The following PPM1H variants were observed in gnomAD, a reference collection of about 807,000 sequenced individuals.
The protein encoded by PPM1H is protein phosphatase, Mg2+/Mn2+ dependent 1H.
A neutral mutation model predicts 54.9 loss-of-function variants in PPM1H; 27 were observed. The ratio of observed to expected loss-of-function variants is 0.49; its 90% CI spans 0.36 to 0.68. PPM1H has a LOEUF of 0.68. Among genes scored for constraint, PPM1H ranks in the 30% least tolerant of loss-of-function variants. The probability of loss-of-function intolerance (pLI) is 0.00; values close to 1 mark genes in which losing one functional copy is unlikely to be tolerated. For synonymous variants in PPM1H, 305 were observed against 270.8 expected (o/e 1.13, Z -1.24); for missense variants, 596 against 667.8 (o/e 0.89, Z 1.19).
intron 8 of PPM1H, among the ~76,000 whole-genome samples, chr12:62,681,588 A>G (rs74096894): frequency 0.036 from 5,539 of 152,260 alleles, 295 homozygotes; most frequent in African/African-American, 0.12. Context: ...GGCAAATTTT[A>G]TTTCACACTA....
intron 8 of PPM1H, among the ~76,000 whole-genome samples, chr12:62,672,442 TA>T (rs1327537256): frequency 2.0e-5 from 3 of 152,214 alleles, no homozygotes; most frequent in Non-Finnish European, 4.4e-5. Flanking sequence ...TCTAAAAGAC[TA>T]GATATTCTCA....
chr12:62,871,104 A>C (rs1338366372), intron 1 of PPM1H, among the ~76,000 whole-genome samples: 1 of 152,248 alleles, frequency 6.6e-6, no homozygotes, highest in African/African-American at 2.4e-5. Context: ...AAACTTGTAC[A>C]TTAATGTTCA....
chr12:62,806,065 A>G (rs1009394510), intron 2 of PPM1H, among the ~76,000 whole-genome samples: 1 of 152,192 alleles, frequency 6.6e-6, no homozygotes, highest in Admixed American at 6.5e-5. Context: ...AGAAAAATAA[A>G]TATTTGGGAT....
At chr12:62,799,243 A>C (rs2076752337) in intron 3 of PPM1H, among the ~76,000 whole-genome samples, 1 of 152,222 alleles carries the variant, frequency 6.6e-6, no homozygotes, top group Admixed American at 6.5e-5. Context: ...CACAGTTGTT[A>C]AGAGCAACCC....
chr12:62,677,641 C>A (rs1213457011), intron 8 of PPM1H, among the ~76,000 whole-genome samples: 2 of 152,162 alleles, frequency 1.3e-5, no homozygotes, highest in Non-Finnish European at 1.5e-5. Flanking sequence ...CTGCTCTGTG[C>A]CTGGCTCACT....
intron 5 of PPM1H, among the ~76,000 whole-genome samples, chr12:62,726,433 G>A (rs1053833516): frequency 1.8e-4 from 28 of 151,656 alleles, no homozygotes; most frequent in Admixed American, 1.4e-3. Flanking sequence ...TTTGACCATT[G>A]GACACAGATT....
chr12:62,726,896 G>A (rs1388903606), intron 5 of PPM1H, among the ~76,000 whole-genome samples: 3 of 152,030 alleles, frequency 2.0e-5, no homozygotes, highest in African/African-American at 7.3e-5. Context: ...GCAGGAATTT[G>A]CTAGTTTGCT....
At chr12:62,917,987 G>GA (rs1166040734) in intron 1 of PPM1H, among the ~76,000 whole-genome samples, 1 of 152,230 alleles carries the variant, frequency 6.6e-6, no homozygotes, top group Non-Finnish European at 1.5e-5. Context: ...CAAGGCAGAT[G>GA]AAAAAATGTT....
chr12:62,823,465 A>G (rs1908185), intron 2 of PPM1H, among the ~76,000 whole-genome samples: 10,739 of 152,274 alleles, frequency 0.071, 503 homozygotes, highest in Middle Eastern at 0.13. Flanking sequence ...TTTTAGACCA[A>G]TATTCCTGAT....
chr12:62,652,301 G>T (rs532526184), intron 9 of PPM1H, among the ~76,000 whole-genome samples: 14 of 152,264 alleles, frequency 9.2e-5, no homozygotes, highest in African/African-American at 3.4e-4. Flanking sequence ...TAACCTTGAA[G>T]TCTTGGGGTC....
At chr12:62,722,026 C>T (rs1366210063) in intron 5 of PPM1H, among the ~76,000 whole-genome samples, 1 of 152,114 alleles carries the variant, frequency 6.6e-6, no homozygotes, top group African/African-American at 2.4e-5. Context: ...AATTTCAAGA[C>T]AGGGACAGCA....
chr12:62,654,217 CAAAAAAAAAAAAA>C (rs57812590), intron 9 of PPM1H, among the ~76,000 whole-genome samples: 1 of 65,442 alleles, frequency 1.5e-5, no homozygotes, highest in South Asian at 7.8e-4. Flanking sequence ...GACTCTTTCT[CAAAAAAAAAAAAA>C]AAAAAAAAAA....
intron 1 of PPM1H, among the ~76,000 whole-genome samples, chr12:62,928,933 C>T (rs12423569): frequency 0.087 from 13,187 of 152,178 alleles, 731 homozygotes; most frequent in East Asian, 0.22. Flanking sequence ...AGCATTGTAA[C>T]AAGTGTCAGA....
At chr12:62,739,389 G>T (rs1270061232) in intron 4 of PPM1H, among the ~76,000 whole-genome samples, 1 of 152,126 alleles carries the variant, frequency 6.6e-6, no homozygotes, top group Admixed American at 6.5e-5. Context: ...AAACACAGGA[G>T]AATTTGAAAG....
chr12:62,771,314 AC>A lies in PPM1H; in HGVS notation c.869+16911del, dbSNP rs1383961087. Among the ~76,000 whole-genome samples, 27 of 151,790 alleles carry A rather than the reference AC, an allele frequency of 1.8e-4. 1 individual carries two copies. The highest frequency in any genetic ancestry group is 6.5e-4 in the African/African-American group (27 of 41,428). On this transcript the variant is annotated intron_variant, in intron 4 of 9. Transcript: ENST00000228705. ...TGTGAAGACACACACACACACACACACACACACACACACACACACACACACG... is the reference window on the plus strand; with the variant it reads ...TGTGAAGACACACACACACACACACAACACACACACACACACACACACACG...
intron 6 of PPM1H, among the ~76,000 whole-genome samples, chr12:62,695,733 T>C (rs11174605): frequency 0.26 from 39,503 of 151,906 alleles, 5,369 homozygotes; most frequent in East Asian, 0.38. Context: ...CTACTATACA[T>C]CAAGCATCAA....
intron 3 of PPM1H, chr12:62,788,625 A>T (rs2076686926): frequency 3.4e-6 from 1 of 296,136 alleles, no homozygotes; most frequent in Admixed American, 4.6e-5. Context: ...TTCAGTAAAT[A>T]TCACAGCTTA....
At chr12:62,815,069 G>A (rs578088050) in intron 2 of PPM1H, among the ~76,000 whole-genome samples, 1 of 152,310 alleles carries the variant, frequency 6.6e-6, no homozygotes, top group African/African-American at 2.4e-5. Flanking sequence ...AGCCAATGAG[G>A]AGGTAGAGAT....
At chr12:62,756,953 A>C (rs1328190757) in intron 4 of PPM1H, among the ~76,000 whole-genome samples, 1 of 152,138 alleles carries the variant, frequency 6.6e-6, no homozygotes, top group Non-Finnish European at 1.5e-5. Flanking sequence ...CAAAGGGGAA[A>C]ACTCTCCTTC....
Sources: allele counts gnomAD v4.1 joint callset (sites outside exome capture counted in the v4.1 genomes callset), GRCh38; gene constraint gnomAD v4.1.1; transcripts MANE v1.5; gene names NCBI Gene and HGNC (gene_info 2026-07-23, HGNC 2026-07-21).